The following LOC128462377 variants were observed in gnomAD, a reference collection of about 807,000 sequenced individuals.
At chr16:89,402,726 G>A in the LOC128462377 span, among the ~76,000 whole-genome samples, 1 of 146,998 alleles carries the variant, frequency 6.8e-6, no homozygotes, top group Non-Finnish European at 1.5e-5. Context: ...GGGGGCAGGG[G>A]CTCTGTGGGG....
chr16:89,344,599 AAGCGTCCGGG>A, the LOC128462377 span, among the ~76,000 whole-genome samples: 1 of 152,234 alleles, frequency 6.6e-6, no homozygotes. Context: ...CCCACAATGC[AAGCGTCCGGG>A]AGGACACTCC....
chr16:89,325,449 CCT>C, the LOC128462377 span, among the ~76,000 whole-genome samples: 46 of 139,590 alleles, frequency 3.3e-4, no homozygotes, highest in Middle Eastern at 3.6e-3. Flanking sequence ...TCTCCCCTCT[CCT>C]CTCTCTCTCT....
the LOC128462377 span, among the ~76,000 whole-genome samples, chr16:89,318,032 C>T: frequency 6.6e-6 from 1 of 152,202 alleles, no homozygotes; most frequent in Non-Finnish European, 1.5e-5. Flanking sequence ...TTTGCTCTGC[C>T]CCGTCCCTCT....
the LOC128462377 span, among the ~76,000 whole-genome samples, chr16:89,374,143 C>T: frequency 1.3e-5 from 2 of 152,204 alleles, no homozygotes; most frequent in Admixed American, 1.3e-4. Flanking sequence ...CCCCTCTCCC[C>T]ATGACATCCC....
the LOC128462377 span, among the ~76,000 whole-genome samples, chr16:89,374,809 C>T: frequency 8.5e-5 from 13 of 152,276 alleles, no homozygotes; most frequent in African/African-American, 2.9e-4. Flanking sequence ...CCGAACACCA[C>T]GGCTTGGCTG....
the LOC128462377 span, among the ~76,000 whole-genome samples, chr16:89,351,329 A>G: frequency 1.3e-5 from 2 of 152,196 alleles, no homozygotes; most frequent in Non-Finnish European, 2.9e-5. Context: ...GATGGCATCC[A>G]TGGCCCTAGG....
chr16:89,342,491 G>A, the LOC128462377 span, among the ~76,000 whole-genome samples: 145 of 152,360 alleles, frequency 9.5e-4, 2 homozygotes, highest in Admixed American at 1.2e-3. Context: ...GAGGAGGAAC[G>A]GGCAGGGAGA....
the LOC128462377 span, among the ~76,000 whole-genome samples, chr16:89,376,002 C>T: frequency 6.6e-6 from 1 of 152,152 alleles, no homozygotes; most frequent in Non-Finnish European, 1.5e-5. Context: ...TCGATAAATC[C>T]AGCAGAAGGG....
At chr16:89,323,323 G>A in the LOC128462377 span, 15 of 1,288,932 alleles carry the variant, frequency 1.2e-5, no homozygotes, top group African/African-American at 9.1e-5. Flanking sequence ...ACAGCACTGT[G>A]GCAATCCCAG....
the LOC128462377 span, among the ~76,000 whole-genome samples, chr16:89,417,731 G>C: frequency 2.0e-5 from 3 of 152,044 alleles, no homozygotes; most frequent in Non-Finnish European, 4.4e-5. Flanking sequence ...GAGCACAACA[G>C]CTCCCAGGAT....
the LOC128462377 span, among the ~76,000 whole-genome samples, chr16:89,374,594 A>G: frequency 6.6e-6 from 1 of 152,244 alleles, no homozygotes; most frequent in African/African-American, 2.4e-5. Flanking sequence ...CGCCATCTAC[A>G]GAGCAACCTC....
chr16:89,396,363 C>T, the LOC128462377 span, among the ~76,000 whole-genome samples: 13 of 151,928 alleles, frequency 8.6e-5, no homozygotes, highest in Non-Finnish European at 1.9e-4. Context: ...CCCACACACA[C>T]GCGACGGAGC....
At chr16:89,401,346 G>C in the LOC128462377 span, among the ~76,000 whole-genome samples, 1 of 152,014 alleles carries the variant, frequency 6.6e-6, no homozygotes, top group African/African-American at 2.4e-5. Context: ...CAAAGTGCTG[G>C]GATTACAGCA....
At chr16:89,320,243 G>C in the LOC128462377 span, 1 of 152,170 alleles carries the variant, frequency 6.6e-6, no homozygotes, top group South Asian at 2.1e-4. Context: ...CTGCACAGCC[G>C]ACCACACAAC....
chr16:89,320,703 C>T, the LOC128462377 span, among the ~76,000 whole-genome samples: 4 of 152,334 alleles, frequency 2.6e-5, no homozygotes, highest in East Asian at 7.7e-4. Flanking sequence ...GGGAACTTGC[C>T]CATTACCTGG....
At chr16:89,403,557 A>G in the LOC128462377 span, 1 of 152,254 alleles carries the variant, frequency 6.6e-6, no homozygotes. Flanking sequence ...GCTTAAAAAA[A>G]AAAAGTACAC....
chr16:89,383,409 C>A, the LOC128462377 span, among the ~76,000 whole-genome samples: 2 of 152,212 alleles, frequency 1.3e-5, no homozygotes, highest in African/African-American at 4.8e-5. Context: ...ATGGCTGTCC[C>A]CACACTCTGG....
At chr16:89,417,549 G>A in the LOC128462377 span, among the ~76,000 whole-genome samples, 1 of 152,122 alleles carries the variant, frequency 6.6e-6, no homozygotes, top group Non-Finnish European at 1.5e-5. Flanking sequence ...TGACTCCCAG[G>A]AGGAGGCAAG....
chr16:89,401,509 T>C, the LOC128462377 span, among the ~76,000 whole-genome samples: 2 of 152,224 alleles, frequency 1.3e-5, no homozygotes, highest in African/African-American at 4.8e-5. Flanking sequence ...GTACATGATA[T>C]ATTCAACATT....
Sources: gnomAD v4.1 joint callset for allele counts (sites outside exome capture counted in the v4.1 genomes callset) on GRCh38, gnomAD v4.1.1 for gene constraint, MANE v1.5 for transcripts.